ZC3H12B: variants seen among roughly 807,000 people sequenced by gnomAD.
The protein encoded by ZC3H12B is zinc finger CCCH-type containing 12B.
In ZC3H12B, 7 loss-of-function variants were observed where a neutral mutation model predicts 43.9. That is an observed-to-expected ratio of 0.16 (90% CI 0.09 to 0.30). ZC3H12B has a LOEUF of 0.30. Ranked by LOEUF, ZC3H12B falls within the 10% of genes least tolerant of loss-of-function variation. The probability of loss-of-function intolerance (pLI) is 1.00; values close to 1 mark genes in which losing one functional copy is unlikely to be tolerated. For synonymous variants in ZC3H12B, 222 were observed against 241.7 expected (o/e 0.92, Z 0.76); for missense variants, 475 against 670.2 (o/e 0.71, Z 3.22).
At chrX:65,207,151 T>C in the ZC3H12B span, among the ~76,000 whole-genome samples, 1 of 108,834 alleles carries the variant, frequency 9.2e-6, no homozygotes, top group Non-Finnish European at 1.9e-5. Flanking sequence ...GCAATCTCAC[T>C]ACTGGGTTTC....
the ZC3H12B span, among the ~76,000 whole-genome samples, chrX:65,099,844 T>C: frequency 4.5e-5 from 5 of 111,342 alleles, no homozygotes; most frequent in Non-Finnish European, 9.4e-5. Context: ...TGATTGCAAC[T>C]CATCTCCAGC....
At chrX:65,159,862 C>T in the ZC3H12B span, among the ~76,000 whole-genome samples, 2 of 111,618 alleles carry the variant, frequency 1.8e-5, no homozygotes. Context: ...GGAATGCTTC[C>T]AGTTTTTGCC....
chrX:65,089,275 G>A, the ZC3H12B span, among the ~76,000 whole-genome samples: 1 of 111,649 alleles, frequency 9.0e-6, no homozygotes. Context: ...TAGACTATAT[G>A]GTATAGCCTA....
the ZC3H12B span, among the ~76,000 whole-genome samples, chrX:65,055,832 A>C: frequency 8.9e-6 from 1 of 111,775 alleles, no homozygotes; most frequent in East Asian, 2.8e-4. Flanking sequence ...GTATGTTTCC[A>C]GGAATTCATT....
the ZC3H12B span, among the ~76,000 whole-genome samples, chrX:65,335,585 T>A: frequency 9.0e-6 from 1 of 111,140 alleles, no homozygotes; most frequent in East Asian, 2.9e-4. Context: ...GGGAATAGAA[T>A]CAACAAATTG....
the ZC3H12B span, among the ~76,000 whole-genome samples, chrX:65,190,513 C>G: frequency 9.2e-6 from 1 of 108,662 alleles, no homozygotes; most frequent in East Asian, 2.9e-4. Flanking sequence ...AGGTCCTTCA[C>G]ATCCCTTGTA....
chrX:65,457,552 C>T (rs1446903374), intron 3 of ZC3H12B, among the ~76,000 whole-genome samples: 13 of 86,443 alleles, frequency 1.5e-4, no homozygotes, highest in African/African-American at 9.4e-4. Flanking sequence ...GCCACGACCC[C>T]GTCTGGGAGG....
chrX:65,079,406 A>G, the ZC3H12B span, among the ~76,000 whole-genome samples: 2 of 112,308 alleles, frequency 1.8e-5, no homozygotes, highest in Non-Finnish European at 3.8e-5. Context: ...GAGTGGTTAC[A>G]TCAGGCCTTG....
chrX:65,267,600 G>A, the ZC3H12B span, among the ~76,000 whole-genome samples: 1 of 111,184 alleles, frequency 9.0e-6, no homozygotes, highest in Admixed American at 9.6e-5. Flanking sequence ...GATCTGAAAG[G>A]AACAGTATAC....
the ZC3H12B span, among the ~76,000 whole-genome samples, chrX:65,325,316 T>C: frequency 3.6e-5 from 4 of 111,484 alleles, no homozygotes; most frequent in Admixed American, 9.6e-5. Context: ...AAACTATTGC[T>C]AACTGCAGAT....
chrX:65,288,505 A>G, the ZC3H12B span, among the ~76,000 whole-genome samples: 3 of 112,677 alleles, frequency 2.7e-5, no homozygotes, highest in Admixed American at 2.8e-4. Context: ...TTTAACGTGT[A>G]TAAAAGAATA....
At chrX:65,220,122 G>A in the ZC3H12B span, among the ~76,000 whole-genome samples, 2 of 111,383 alleles carry the variant, frequency 1.8e-5, no homozygotes, top group South Asian at 7.4e-4. Flanking sequence ...CATAAATGAA[G>A]GAAAGATACA....
the ZC3H12B span, among the ~76,000 whole-genome samples, chrX:65,134,919 G>A: frequency 9.0e-6 from 1 of 110,932 alleles, no homozygotes; most frequent in African/African-American, 3.3e-5. Flanking sequence ...GGAATCACAA[G>A]GTGCTCAGTG....
chrX:65,275,242 C>G, the ZC3H12B span, among the ~76,000 whole-genome samples: 2 of 112,656 alleles, frequency 1.8e-5, no homozygotes, highest in Non-Finnish European at 3.8e-5. Context: ...TAGTCTTGAA[C>G]CCATGTTCCA....
the ZC3H12B span, among the ~76,000 whole-genome samples, chrX:65,081,727 T>C: frequency 2.7e-5 from 3 of 111,770 alleles, no homozygotes; most frequent in African/African-American, 6.5e-5. Context: ...CAGATTTTCC[T>C]GACAGAAAAC....
the ZC3H12B span, among the ~76,000 whole-genome samples, chrX:65,213,405 G>A: frequency 9.0e-6 from 1 of 110,981 alleles, no homozygotes; most frequent in African/African-American, 3.3e-5. Flanking sequence ...TTCTCATAAC[G>A]GGATCACTTG....
chrX:65,175,921 A>G, the ZC3H12B span, among the ~76,000 whole-genome samples: 1 of 112,191 alleles, frequency 8.9e-6, no homozygotes, highest in Non-Finnish European at 1.9e-5. Context: ...ACAGGTGCCT[A>G]CACCACTGGG....
chrX:65,146,753 A>G, the ZC3H12B span, among the ~76,000 whole-genome samples: 1 of 111,793 alleles, frequency 8.9e-6, no homozygotes, highest in African/African-American at 3.3e-5. Context: ...CTACCCAGCA[A>G]GTCTGCCAGG....
At chrX:65,469,695 G>A (rs1000683800) in intron 3 of ZC3H12B, 61 of 139,090 alleles carry the variant, frequency 4.4e-4, no homozygotes, top group East Asian at 1.9e-4. Flanking sequence ...GGCAGGCCAG[G>A]CGCGGAGGCT....
Sources: allele counts gnomAD v4.1 joint callset (sites outside exome capture counted in the v4.1 genomes callset), GRCh38; gene constraint gnomAD v4.1.1; transcripts MANE v1.5; gene names NCBI Gene and HGNC (gene_info 2026-07-23, HGNC 2026-07-21).